Variants in PHF24 observed in about 807,000 individuals in gnomAD.
The protein encoded by PHF24 is Galpha inhibitory interacting protein.
Under a neutral mutation model 42.6 loss-of-function variants are expected in PHF24, and 25 were observed. The ratio of observed to expected loss-of-function variants is 0.59; its 90% confidence interval spans 0.43 to 0.82. PHF24 has a LOEUF of 0.82. Ranked by LOEUF, PHF24 falls within the 40% of genes least tolerant of loss-of-function variation. The pLI is 0.00. For synonymous variants in PHF24, 185 were observed against 204.8 expected (o/e 0.90, Z 0.83); for missense variants, 470 against 538.1 (o/e 0.87, Z 1.25).
the PHF24 span, among the ~76,000 whole-genome samples, chr9:34,915,026 C>CTTTT: frequency 8.6e-3 from 321 of 37,118 alleles, no homozygotes; most frequent in Middle Eastern, 0.029. Flanking sequence ...TTTTTCTTTT[C>CTTTT]TTTTTTTTTT....
chr9:34,943,203 G>A, the PHF24 span, among the ~76,000 whole-genome samples: 1 of 152,024 alleles, frequency 6.6e-6, no homozygotes, highest in Admixed American at 6.6e-5. Context: ...TTGTTTGTTT[G>A]TTTGTTTCTC....
the PHF24 span, among the ~76,000 whole-genome samples, chr9:34,929,062 C>T: frequency 1.8e-4 from 28 of 152,196 alleles, no homozygotes; most frequent in Non-Finnish European, 3.7e-4. Context: ...TCCCCCACCT[C>T]CATGTCAAAC....
chr9:34,850,161 T>G, the PHF24 span, among the ~76,000 whole-genome samples: 10 of 152,204 alleles, frequency 6.6e-5, no homozygotes, highest in African/African-American at 2.2e-4. Flanking sequence ...CTTGCTAGAT[T>G]GGGGAAGTTC....
At chr9:34,701,423 C>T in the PHF24 span, among the ~76,000 whole-genome samples, 1 of 152,184 alleles carries the variant, frequency 6.6e-6, no homozygotes, top group Non-Finnish European at 1.5e-5. This position sits in a 1 kb window ranked among gnomAD's most constrained non-coding sequence, Gnocchi z 5.8. Context: ...GTGAGCGTGC[C>T]CATGCATCTC....
chr9:34,692,256 T>C, the PHF24 span, among the ~76,000 whole-genome samples: 1 of 152,222 alleles, frequency 6.6e-6, no homozygotes, highest in Non-Finnish European at 1.5e-5. Context: ...TTAATCATAA[T>C]AATAGTAATG....
At chr9:34,713,555 G>T in the PHF24 span, among the ~76,000 whole-genome samples, 1 of 152,040 alleles carries the variant, frequency 6.6e-6, no homozygotes. Flanking sequence ...TGAAAGAGTC[G>T]ATTCCAATTG....
intron 1 of PHF24, among the ~76,000 whole-genome samples, chr9:34,959,110 A>ACTG (rs1474997815): frequency 6.6e-6 from 1 of 152,130 alleles, no homozygotes; most frequent in Non-Finnish European, 1.5e-5. Flanking sequence ...GGAGACAGAA[A>ACTG]CTGCTGCGAG....
At chr9:34,828,486 A>G in the PHF24 span, among the ~76,000 whole-genome samples, 26 of 151,684 alleles carry the variant, frequency 1.7e-4, no homozygotes, top group Non-Finnish European at 3.4e-4. Context: ...CTATTTCCTC[A>G]TTTTTCTGCA....
chr9:34,771,788 G>C, the PHF24 span, among the ~76,000 whole-genome samples: 3 of 152,164 alleles, frequency 2.0e-5, no homozygotes, highest in Non-Finnish European at 4.4e-5. Context: ...ATTTAGGTCT[G>C]AACCAGGGCT....
the PHF24 span, chr9:34,837,768 T>A: frequency 9.8e-7 from 1 of 1,017,408 alleles, no homozygotes. Flanking sequence ...AAAATGAGAC[T>A]TACATTTATT....
At chr9:34,832,515 C>T in the PHF24 span, 1 of 1,517,430 alleles carries the variant, frequency 6.6e-7, no homozygotes, top group Non-Finnish European at 8.8e-7. Flanking sequence ...TGTCTTACTT[C>T]TCCCCACAGG....
At chr9:34,727,819 A>G in the PHF24 span, among the ~76,000 whole-genome samples, 1 of 152,230 alleles carries the variant, frequency 6.6e-6, no homozygotes, top group Admixed American at 6.5e-5. Flanking sequence ...ACCCTAGCAC[A>G]GAACTGAACT....
chr9:34,923,051 T>C, the PHF24 span: 1 of 222,282 alleles, frequency 4.5e-6, no homozygotes, highest in Non-Finnish European at 7.7e-6. Context: ...TTGTTTTTGT[T>C]TTTTTTTTTT....
chr9:34,690,386 G>T, the PHF24 span: 1 of 1,601,404 alleles, frequency 6.2e-7, no homozygotes, highest in Non-Finnish European at 8.5e-7. Flanking sequence ...GACCCTTGAG[G>T]GTGGCATGGC....
chr9:34,821,645 T>C, the PHF24 span, among the ~76,000 whole-genome samples: 1 of 152,222 alleles, frequency 6.6e-6, no homozygotes, highest in South Asian at 2.1e-4. Flanking sequence ...TGCCTGTGTG[T>C]AGCTTCCTGC....
At chr9:34,957,618 C>T (rs1480444183), upstream of PHF24, 2 of 152,228 alleles carry the variant, frequency 1.3e-5, no homozygotes, top group African/African-American at 4.8e-5. Context: ...CAGAAAACAG[C>T]GCATAGGGTA....
chr9:34,722,232 G>A, the PHF24 span, among the ~76,000 whole-genome samples: 116 of 152,308 alleles, frequency 7.6e-4, no homozygotes, highest in African/African-American at 2.6e-3. Flanking sequence ...GAGAGGGTGA[G>A]AAGTGGGCAT....
the PHF24 span, among the ~76,000 whole-genome samples, chr9:34,781,981 A>G: frequency 1.3e-5 from 2 of 152,230 alleles, no homozygotes; most frequent in Non-Finnish European, 2.9e-5. Context: ...ACCTCCTGAA[A>G]TCATGGGTTC....
chr9:34,956,733 G>T (rs202147667), upstream of PHF24, among the ~76,000 whole-genome samples: 1 of 152,238 alleles, frequency 6.6e-6, no homozygotes, highest in East Asian at 1.9e-4. Flanking sequence ...AGAAAGTTAG[G>T]GGGGGACCCC....
Sources: gnomAD v4.1 joint callset for allele counts (sites outside exome capture counted in the v4.1 genomes callset) on GRCh38, gnomAD v4.1.1 for gene constraint, Gnocchi (gnomAD v3.1) non-coding constraint, MANE v1.5 for transcripts, NCBI Gene and HGNC (gene_info 2026-07-23, HGNC 2026-07-21) for gene names.